FAF1: variants seen among roughly 807,000 people sequenced by gnomAD.
FAF1 encodes FAS-associated factor 1.
A neutral mutation model predicts 92.5 loss-of-function variants in FAF1; 25 were observed. The ratio of observed to expected loss-of-function variants is 0.27; its 90% confidence interval spans 0.20 to 0.38. FAF1 has a LOEUF of 0.38. FAF1 is among the 10% of genes least tolerant of loss of function. The probability of loss-of-function intolerance (pLI) is 1.00; values close to 1 mark genes in which losing one functional copy is unlikely to be tolerated. For missense variants in FAF1, 636 were observed against 793.3 expected, an observed-to-expected ratio of 0.80 and a Z score of 2.38; for synonymous variants, 234 against 273.2, an observed-to-expected ratio of 0.86 and a Z score of 1.42.
At chr1:50,826,118 G>A (rs982749747) in intron 2 of FAF1, among the ~76,000 whole-genome samples, 59 of 151,800 alleles carry the variant, frequency 3.9e-4, no homozygotes, top group African/African-American at 1.3e-3. Context: ...AAAAATGAAA[G>A]CAAATTAAAA....
intron 5 of FAF1, among the ~76,000 whole-genome samples, chr1:50,739,619 G>C (rs1400884587): frequency 6.6e-6 from 1 of 152,052 alleles, no homozygotes; most frequent in Non-Finnish European, 1.5e-5. Context: ...GGGTCATCAT[G>C]GCAAAAATTG....
chr1:50,729,532 G>A, intron 6 of FAF1, among the ~76,000 whole-genome samples: 1 of 150,692 alleles, frequency 6.6e-6, no homozygotes. Flanking sequence ...TCAGCCTCCT[G>A]AGTAGCTGTG....
intron 15 of FAF1, among the ~76,000 whole-genome samples, chr1:50,525,741 T>G (rs749667782): frequency 1.2e-4 from 18 of 152,182 alleles, no homozygotes; most frequent in Non-Finnish European, 2.2e-4. Context: ...CCTATTTAAT[T>G]GTGTGTTTTT....
intron 13 of FAF1, 147 bp downstream of exon 13, chr1:50,566,927 TGTG>T (rs1297406607): frequency 4.1e-6 from 2 of 487,106 alleles, no homozygotes; most frequent in Non-Finnish European, 3.5e-6. Context: ...AATAACTGCA[TGTG>T]TTAGCTGCAA....
chr1:50,836,428 CA>C (rs888721816), intron 2 of FAF1, among the ~76,000 whole-genome samples: 2 of 151,940 alleles, frequency 1.3e-5, no homozygotes, highest in Admixed American at 6.6e-5. Context: ...AACATATATT[CA>C]ATAATCTCTT....
intron 1 of FAF1, among the ~76,000 whole-genome samples, chr1:50,924,200 T>C (rs1466502813): frequency 6.6e-6 from 1 of 151,194 alleles, no homozygotes; most frequent in Non-Finnish European, 1.5e-5. Flanking sequence ...GAACTGATAA[T>C]GATAAACAAA....
At chr1:50,573,979 A>AG (rs145341060) in intron 12 of FAF1, among the ~76,000 whole-genome samples, 1 of 151,928 alleles carries the variant, frequency 6.6e-6, no homozygotes, top group Non-Finnish European at 1.5e-5. Context: ...AATACAAAAA[A>AG]TTGGCTGGGT....
intron 1 of FAF1, among the ~76,000 whole-genome samples, chr1:50,929,431 T>G (rs1557593242): frequency 6.6e-6 from 1 of 152,216 alleles, no homozygotes; most frequent in Non-Finnish European, 1.5e-5. Flanking sequence ...CTAAAAGATC[T>G]TTGGTTGATA....
Position 50,779,004 on chromosome 1 carries a change from A to G in FAF1, c.367+8996T>C, listed in dbSNP as rs943111320. Among the ~76,000 whole-genome samples, 3 of 152,186 alleles carry G rather than the reference A, an allele frequency of 2.0e-5. No homozygotes were observed. In the East Asian group the frequency reaches 5.8e-4, roughly 29 times the overall value. ...CTCAAACCCTGCCACTGTTTTATCA[A>G]TTAAGTTTATGTCACATTCTAAATC... On this transcript the variant is annotated intron_variant, in intron 4 of 18. Transcript: ENST00000396153.
intron 8 of FAF1, among the ~76,000 whole-genome samples, chr1:50,648,914 G>T (rs770380347): frequency 6.6e-6 from 1 of 152,234 alleles, no homozygotes; most frequent in East Asian, 1.9e-4. Flanking sequence ...TAACAAGAGC[G>T]AAACTCCATC....
intron 15 of FAF1, among the ~76,000 whole-genome samples, chr1:50,534,272 A>G (rs1192772454): frequency 1.3e-5 from 2 of 152,052 alleles, no homozygotes; most frequent in African/African-American, 2.4e-5. Flanking sequence ...CTTGGGGTCT[A>G]TATTATCTTC....
chr1:50,707,478 T>A (rs1035995558), intron 6 of FAF1, among the ~76,000 whole-genome samples: 3 of 152,016 alleles, frequency 2.0e-5, no homozygotes, highest in Admixed American at 1.3e-4. Flanking sequence ...GCGGGTGGAT[T>A]GCCTGGACTC....
chr1:50,575,372 T>C (rs754190481), intron 12 of FAF1, among the ~76,000 whole-genome samples: 1 of 152,206 alleles, frequency 6.6e-6, no homozygotes, highest in Non-Finnish European at 1.5e-5. Flanking sequence ...AGTAGAAATA[T>C]CTAATTACAG....
At chr1:50,509,392 G>GT (rs1647103705) in intron 15 of FAF1, among the ~76,000 whole-genome samples, 1 of 152,034 alleles carries the variant, frequency 6.6e-6, no homozygotes, top group Non-Finnish European at 1.5e-5. Context: ...CAGGAGGACT[G>GT]TTTGAGTCCA....
At chr1:50,678,539 T>C (rs1656255718) in intron 7 of FAF1, among the ~76,000 whole-genome samples, 2 of 152,036 alleles carry the variant, frequency 1.3e-5, no homozygotes, top group Admixed American at 1.3e-4. Flanking sequence ...TCCCAGCACT[T>C]TGGGAGGCCA....
intron 12 of FAF1, among the ~76,000 whole-genome samples, chr1:50,572,526 T>C (rs1364654948): frequency 1.3e-5 from 2 of 152,232 alleles, no homozygotes; most frequent in African/African-American, 4.8e-5. Context: ...AATGCTATTC[T>C]TGTATATGGA....
At position 50,840,106 on chromosome 1, in the gene FAF1, C is replaced by A. The variant is rs1341386445; in HGVS notation, c.114+17823G>T. 2.0e-5 allele frequency among the ~76,000 whole-genome samples: 3 copies of A among 151,958 alleles called. No homozygotes were observed. In the South Asian group the frequency reaches 6.2e-4, roughly 32 times the overall value. On this transcript the variant is annotated intron_variant, in intron 2 of 18. Transcript: ENST00000396153. ...ACACTCACACCATACACAAAAATTACCTCAAAATGTATCATATACCTTAAC... is the reference window on the plus strand; with the variant it reads ...ACACTCACACCATACACAAAAATTAACTCAAAATGTATCATATACCTTAAC...
At chr1:50,611,244 T>C (rs906288224) in intron 8 of FAF1, among the ~76,000 whole-genome samples, 2 of 152,264 alleles carry the variant, frequency 1.3e-5, no homozygotes, top group Non-Finnish European at 2.9e-5. Flanking sequence ...TATGAAAGAC[T>C]TAGCTTTGTA....
At chr1:50,610,378 C>T (rs926343093) in intron 8 of FAF1, among the ~76,000 whole-genome samples, 6 of 152,040 alleles carry the variant, frequency 3.9e-5, no homozygotes, top group African/African-American at 1.4e-4. Context: ...TGGCTTACCA[C>T]AAAAAGAAGC....
Sources: allele counts gnomAD v4.1 joint callset (sites outside exome capture counted in the v4.1 genomes callset), GRCh38; gene constraint gnomAD v4.1.1; transcripts MANE v1.5; gene names NCBI Gene and HGNC (gene_info 2026-07-23, HGNC 2026-07-21).